RHOQ: variants seen among roughly 807,000 people sequenced by gnomAD.
RHOQ encodes the protein ras homolog family member Q.
In RHOQ, 7 loss-of-function variants were observed where a neutral mutation model predicts 25.8. The observed-to-expected ratio is 0.27, with a 90% CI of 0.15 to 0.51. RHOQ has a LOEUF of 0.51. RHOQ is among the 20% of genes least tolerant of loss of function. The probability of loss-of-function intolerance (pLI) is 0.97; values close to 1 mark genes in which losing one functional copy is unlikely to be tolerated. For missense variants in RHOQ, 165 were observed against 260.6 expected (o/e 0.63, Z 2.53); for synonymous variants, 97 against 98.6 (o/e 0.98, Z 0.10).
intron 2 of RHOQ, among the ~76,000 whole-genome samples, chr2:46,573,311 C>T (rs567159792): frequency 3.9e-5 from 6 of 152,298 alleles, no homozygotes; most frequent in East Asian, 3.9e-4. Flanking sequence ...AGTCCCACCT[C>T]GGCCTCCCAA....
chr2:46,564,460 A>G (rs1359643601), intron 2 of RHOQ, among the ~76,000 whole-genome samples: 1 of 152,182 alleles, frequency 6.6e-6, no homozygotes, highest in African/African-American at 2.4e-5. Context: ...GTTCTGTGCA[A>G]GCATGTCTGT....
At position 46,548,376 on chromosome 2, in the gene RHOQ, G is replaced by A. The variant is rs976902814; in HGVS notation, c.201+4564G>A. ...GCATTTTAGCAGAAGGGCCTGGCAT[G>A]ATGAGAAAAGGGAAGGAGAAAGGGC... On this transcript the variant is annotated intron_variant, in intron 2 of 4. Transcript: ENST00000238738. This position sits in a 1 kb window ranked among gnomAD's most constrained non-coding sequence, Gnocchi z 5.2. Among the ~76,000 whole-genome samples the A allele has an allele frequency of 1.3e-5, 2 of 152,176 alleles. No homozygotes were observed. The highest frequency in any genetic ancestry group is 4.8e-5 in the African/African-American group (2 of 41,426).
intron 2 of RHOQ, among the ~76,000 whole-genome samples, chr2:46,549,310 G>A (rs982865511): frequency 5.3e-5 from 8 of 152,174 alleles, no homozygotes; most frequent in Non-Finnish European, 8.8e-5. Context: ...TGTGAAAAAG[G>A]TGGGAAGCAT....
intron 2 of RHOQ, among the ~76,000 whole-genome samples, chr2:46,561,006 AC>A: frequency 2.2e-5 from 1 of 46,400 alleles, no homozygotes; most frequent in Non-Finnish European, 4.5e-5. Context: ...CCATAAACAC[AC>A]ACACACACAC....
Position 46,582,527 on chromosome 2 carries a change from A to C in RHOQ, c.*1444A>C, listed in dbSNP as rs529886254. 2.0e-5 allele frequency: 3 copies of C among 152,410 alleles called. No individual in the cohort carries two copies. The highest frequency in any genetic ancestry group is 3.9e-4 in the East Asian group (2 of 5,188). 9.4% of individuals were successfully genotyped at this position (152,410 alleles called of 1,614,324 possible). ...ATGCATCAGATAATGGTGTTAGACA[A>C]AGCTTCATTGTGAACAACCTAATGC... On this transcript the variant is annotated 3_prime_UTR_variant, in exon 5 of 5. Transcript: ENST00000238738.
rs1214563648 is a variant in RHOQ, at chr2:46,575,525, G to A, written c.202-562G>A. Among the ~76,000 whole-genome samples the A allele has an allele frequency of 2.6e-5, 4 of 152,018 alleles. No individual in the cohort carries two copies. The East Asian group carries it at 7.7e-4, about 29-fold the overall frequency. On this transcript the variant is annotated intron_variant, in intron 2 of 4. Coordinates refer to ENST00000238738, the MANE Select transcript of RHOQ (RefSeq NM_012249.4). ...ATAGTGGTTAAGAGTATAGACTCTG[G>A]AGTAAAAACTGCCAGGATTTGAATC... is the stretch of plus-strand genomic sequence containing the variant.
rs536235577 is a variant in RHOQ, at chr2:46,558,092, A to G, written c.201+14280A>G. Among the ~76,000 whole-genome samples, 7 of 152,292 alleles carry G rather than the reference A, an allele frequency of 4.6e-5. No individual in the cohort carries two copies. The South Asian group carries it at 1.0e-3, about 23-fold the overall frequency. ...TATTTCATGCAAAATTCACCCTCCC[A>G]TGCAGCAAGTCATATCAAGTATTCT... On this transcript the variant is annotated intron_variant, in intron 2 of 4. Coordinates refer to ENST00000238738, the MANE Select transcript of RHOQ (RefSeq NM_012249.4).
intron 2 of RHOQ, among the ~76,000 whole-genome samples, chr2:46,559,611 C>T (rs1271370635): frequency 6.6e-6 from 1 of 152,120 alleles, no homozygotes; most frequent in Admixed American, 6.6e-5. Context: ...GCCTTTTCCC[C>T]CTAGATGCCA....
chr2:46,547,939 A>G (rs1668124491), intron 2 of RHOQ, among the ~76,000 whole-genome samples: 1 of 152,206 alleles, frequency 6.6e-6, no homozygotes, highest in Non-Finnish European at 1.5e-5. Context: ...AATCCTTGGC[A>G]GGAAGGCAGA....
intron 2 of RHOQ, among the ~76,000 whole-genome samples, chr2:46,574,096 C>T (rs1669025778): frequency 6.6e-6 from 1 of 152,204 alleles, no homozygotes; most frequent in Non-Finnish European, 1.5e-5. Context: ...TATGTTTAAG[C>T]ATTGAAAGAG....
At chr2:46,580,745 T>C (rs910396857) in intron 4 of RHOQ, 183 bp from the exon 5 acceptor site, 3 of 432,110 alleles carry the variant, frequency 6.9e-6, no homozygotes, top group Admixed American at 8.8e-5. Flanking sequence ...TAATTTTTCA[T>C]AGAAAGTCTG....
At chr2:46,563,935 C>T (rs796602822) in intron 2 of RHOQ, among the ~76,000 whole-genome samples, 9 of 151,960 alleles carry the variant, frequency 5.9e-5, no homozygotes, top group African/African-American at 2.2e-4. Flanking sequence ...TAGGCGTGGG[C>T]CACCACGCCC....
In RHOQ at chr2:46,560,909, CTAA is replaced by C. The variant is rs1422575052; in HGVS notation, c.202-15174_202-15172del. 2.6e-5 allele frequency among the ~76,000 whole-genome samples: 4 copies of C among 151,746 alleles called. No homozygotes were observed. In the East Asian group the frequency reaches 7.7e-4, roughly 29 times the overall value. Reference sequence around the variant, plus strand: ...TGAATATAAACCGTATTACAGATGACTAATAACAATTACAAATTGATTTTCATT... The same window carrying C: ...TGAATATAAACCGTATTACAGATGACTAACAATTACAAATTGATTTTCATT... On this transcript the variant is annotated intron_variant, in intron 2 of 4. Coordinates refer to ENST00000238738, the MANE Select transcript of RHOQ (RefSeq NM_012249.4).
chr2:46,561,552 G>T (rs1558687043), intron 2 of RHOQ, among the ~76,000 whole-genome samples: 2 of 152,128 alleles, frequency 1.3e-5, no homozygotes, highest in Non-Finnish European at 2.9e-5. Flanking sequence ...CTTCTAAAGG[G>T]CACGGTCTTC....
In RHOQ at chr2:46,556,479, T is replaced by A. The variant is rs1338784278; in HGVS notation, c.201+12667T>A. ...TTCTGATATTCTTTTTCTTAAAAAA[T>A]TTTTTTAATTTTTTTTTTTTTGTTC... On this transcript the variant is annotated intron_variant, in intron 2 of 4. Transcript: ENST00000238738. This position sits in a 1 kb window ranked among gnomAD's most constrained non-coding sequence, Gnocchi z 4.9. Among the ~76,000 whole-genome samples, 7 of 108,288 alleles carry A rather than the reference T, an allele frequency of 6.5e-5. No individual in the cohort carries two copies. The highest frequency in any genetic ancestry group is 1.6e-4 in the African/African-American group (4 of 25,048). 71.0% of individuals were successfully genotyped at this position (108,288 alleles called of 152,430 possible).
chr2:46,575,227 C>T (rs1669071229), intron 2 of RHOQ, among the ~76,000 whole-genome samples: 1 of 152,010 alleles, frequency 6.6e-6, no homozygotes, highest in South Asian at 2.1e-4. Context: ...ACAACAAGTA[C>T]TGCATGATTT....
intron 1 of RHOQ, chr2:46,543,431 GCGCCCTGGGCCGTCCTCCTTGA>G: frequency 6.7e-6 from 4 of 599,404 alleles, no homozygotes; most frequent in Admixed American, 3.0e-5. Flanking sequence ...CTACCCCTCG[GCGCCCTGGGCCGTCCTCCTTGA>G]CCTTCCCACA....
In RHOQ at chr2:46,555,108, G is replaced by A. The variant is rs1668374763; in HGVS notation, c.201+11296G>A. On this transcript the variant is annotated intron_variant, in intron 2 of 4. Coordinates refer to ENST00000238738, the MANE Select transcript of RHOQ (RefSeq NM_012249.4). This position sits in a 1 kb window ranked among gnomAD's most constrained non-coding sequence, Gnocchi z 4.3. ...TGGGGGCTCTGCTTCCTTCGGACAGGGACTTCGTCCAACAGGCGAGAGCTT... is the reference window on the plus strand; with the variant it reads ...TGGGGGCTCTGCTTCCTTCGGACAGAGACTTCGTCCAACAGGCGAGAGCTT... Among the ~76,000 whole-genome samples the A allele has an allele frequency of 6.6e-6, 1 of 152,176 alleles. No individual in the cohort carries two copies. The highest frequency in any genetic ancestry group is 2.4e-5 in the African/African-American group (1 of 41,444).
chr2:46,559,936 G>T (rs186965409), intron 2 of RHOQ, among the ~76,000 whole-genome samples: 3 of 152,188 alleles, frequency 2.0e-5, no homozygotes, highest in Admixed American at 6.5e-5. Flanking sequence ...TGTGTGCTTC[G>T]ACTGGGCCTG....
Sources: allele counts gnomAD v4.1 joint callset (sites outside exome capture counted in the v4.1 genomes callset), GRCh38; gene constraint gnomAD v4.1.1; non-coding constraint Gnocchi (gnomAD v3.1); transcripts MANE v1.5; gene names NCBI Gene and HGNC (gene_info 2026-07-23, HGNC 2026-07-21).